The following DNER variants were observed in gnomAD, a reference collection of about 807,000 sequenced individuals.
DNER encodes the protein delta and Notch-like epidermal growth factor-related receptor.
DNER carries 33 observed loss-of-function variants against 78.2 expected under a neutral mutation model. The ratio of observed to expected loss-of-function variants is 0.42; its 90% CI spans 0.32 to 0.56. The LOEUF is 0.56. DNER is among the 20% of genes least tolerant of loss of function. The pLI, the probability that DNER is intolerant of heterozygous loss-of-function variation, is 0.11. For missense variants in DNER, 918 were observed against 975.3 expected, an observed-to-expected ratio of 0.94 and a Z score of 0.78; for synonymous variants, 417 against 384.8, an observed-to-expected ratio of 1.08 and a Z score of -0.98.
In DNER at chr2:229,357,755, C is replaced by T. The variant is rs1692120855; in HGVS notation, c.*785G>A. 1 of 152,194 alleles carries T rather than the reference C, an allele frequency of 6.6e-6. No homozygotes were observed. Among genetic ancestry groups the T allele is most frequent in the Non-Finnish European group, 1.5e-5 (1 of 68,040 alleles). 9.4% of individuals were successfully genotyped at this position (152,194 alleles called of 1,614,324 possible). A position where few individuals can be genotyped will look rare whatever the true frequency, so the allele number is the denominator to read the frequency against. On this transcript the variant is annotated 3_prime_UTR_variant, in exon 13 of 13. Coordinates refer to ENST00000341772, the MANE Select transcript of DNER (RefSeq NM_139072.4). Reference sequence around the variant, plus strand: ...ATAAAGCTGCACTATGAGAAATACTCACTACTGAAGGAACCAGTACTCTCT... The same window carrying T: ...ATAAAGCTGCACTATGAGAAATACTTACTACTGAAGGAACCAGTACTCTCT...
In DNER at chr2:229,358,068, T is replaced by C. The variant is rs1353804404; in HGVS notation, c.*472A>G. On this transcript the variant is annotated 3_prime_UTR_variant, in exon 13 of 13. Transcript: ENST00000341772. ...AGGCTAATTTCATTCGGGTTAGGAA[T>C]AGTAAATTTAACTAGTTTCTTTTCC... 1 of 152,926 alleles carries C rather than the reference T, an allele frequency of 6.5e-6. No individual in the cohort carries two copies. The highest frequency in any genetic ancestry group is 2.1e-4 in the South Asian group (1 of 4,846). 9.5% of individuals were successfully genotyped at this position (152,926 alleles called of 1,614,324 possible). A position where few individuals can be genotyped will look rare whatever the true frequency, so the allele number is the denominator to read the frequency against.
chr2:229,713,800 C>T (rs1239323065), intron 1 of DNER, among the ~76,000 whole-genome samples: 1 of 152,190 alleles, frequency 6.6e-6, no homozygotes, highest in South Asian at 2.1e-4. Context: ...CTCCGCGCTG[C>T]CAAGGCGGGC....
intron 11 of DNER, among the ~76,000 whole-genome samples, chr2:229,372,955 G>A (rs920922905): frequency 5.9e-5 from 9 of 152,170 alleles, no homozygotes; most frequent in African/African-American, 2.2e-4. Flanking sequence ...CTGTAGCCGA[G>A]TGAGACGACC....
intron 1 of DNER, among the ~76,000 whole-genome samples, chr2:229,627,637 T>C (rs1244597179): frequency 6.6e-6 from 1 of 152,242 alleles, no homozygotes; most frequent in East Asian, 1.9e-4. Context: ...AAGAGAGGTC[T>C]GATTAACAAG....
At chr2:229,444,804 G>A (rs558286103) in intron 8 of DNER, among the ~76,000 whole-genome samples, 2 of 152,190 alleles carry the variant, frequency 1.3e-5, no homozygotes, top group East Asian at 1.9e-4. Flanking sequence ...CAGGAGAATC[G>A]CTTGAACCCG....
chr2:229,443,480 T>C (rs1297115033), intron 8 of DNER, among the ~76,000 whole-genome samples: 3 of 152,240 alleles, frequency 2.0e-5, no homozygotes, highest in Non-Finnish European at 4.4e-5. Context: ...CACTTAACAC[T>C]GTCACTGGAA....
At chr2:229,546,810 C>T (rs994561975) in intron 5 of DNER, 137 bp downstream of exon 5, 5 of 1,221,760 alleles carry the variant, frequency 4.1e-6, no homozygotes, top group Non-Finnish European at 5.7e-6. Flanking sequence ...GATAGACAGA[C>T]AGACAGACAG....
In DNER at chr2:229,424,930, C is replaced by A. The variant is rs1315061326; in HGVS notation, c.1487-6700G>T. On this transcript the variant is annotated intron_variant, in intron 8 of 12. Coordinates refer to ENST00000341772, the MANE Select transcript of DNER (RefSeq NM_139072.4). ...TCCCAGGTGTAATGATTAAAAATGT[C>A]CCCATTGTCATATGTCCCCTGGAAG... Among the ~76,000 whole-genome samples, 6 of 152,154 alleles carry A rather than the reference C, an allele frequency of 3.9e-5. No homozygotes were observed. In the East Asian group the frequency reaches 1.2e-3, roughly 29 times the overall value.
chr2:229,619,491 G>T (rs1355277271), intron 1 of DNER, among the ~76,000 whole-genome samples: 1 of 152,156 alleles, frequency 6.6e-6, no homozygotes, highest in African/African-American at 2.4e-5. Context: ...GAGTCAAGAA[G>T]TTGGCCACTG....
At chr2:229,654,871 C>T (rs1229331415) in intron 1 of DNER, among the ~76,000 whole-genome samples, 1 of 152,102 alleles carries the variant, frequency 6.6e-6, no homozygotes, top group Non-Finnish European at 1.5e-5. Flanking sequence ...TGTTACTTTT[C>T]ATCAGTCAAA....
intron 7 of DNER, among the ~76,000 whole-genome samples, chr2:229,448,740 CT>C (rs1210692667): frequency 6.6e-6 from 1 of 152,146 alleles, no homozygotes; most frequent in Non-Finnish European, 1.5e-5. Flanking sequence ...TAAAACTATA[CT>C]TCTTTCAATA....
At chr2:229,641,697 C>G (rs943819567) in intron 1 of DNER, among the ~76,000 whole-genome samples, 1 of 151,932 alleles carries the variant, frequency 6.6e-6, no homozygotes, top group Non-Finnish European at 1.5e-5. Context: ...TAGATATATG[C>G]TAATGAATAG....
chr2:229,535,707 G>A (rs890820249), intron 5 of DNER, among the ~76,000 whole-genome samples: 1 of 151,950 alleles, frequency 6.6e-6, no homozygotes, highest in Non-Finnish European at 1.5e-5. Flanking sequence ...ACAGTGGCAT[G>A]ATCTCGGCTC....
intron 12 of DNER, among the ~76,000 whole-genome samples, chr2:229,361,154 T>C (rs74906344): frequency 0.03 from 4,547 of 152,160 alleles, 97 homozygotes; most frequent in Non-Finnish European, 0.045. Flanking sequence ...CCTCTCACAG[T>C]AGCAGGCTTA....
intron 1 of DNER, among the ~76,000 whole-genome samples, chr2:229,667,743 G>A (rs1297192559): frequency 6.6e-6 from 1 of 152,090 alleles, no homozygotes; most frequent in East Asian, 1.9e-4. Context: ...TAGCTTAATG[G>A]TTTCAACAAT....
chr2:229,498,353 T>A (rs1364140940), intron 6 of DNER, among the ~76,000 whole-genome samples: 1 of 152,302 alleles, frequency 6.6e-6, no homozygotes, highest in Middle Eastern at 3.4e-3. Context: ...AAGATTTTCC[T>A]CTAAGATCAG....
chr2:229,400,081 C>T (rs1693235542), intron 10 of DNER, among the ~76,000 whole-genome samples: 5 of 151,844 alleles, frequency 3.3e-5, no homozygotes, highest in Admixed American at 3.3e-4. Context: ...ACTGCTATAC[C>T]TGGATACTGA....
chr2:229,647,195 T>C (rs1013610223), intron 1 of DNER, among the ~76,000 whole-genome samples: 12 of 151,928 alleles, frequency 7.9e-5, no homozygotes, highest in African/African-American at 2.7e-4. Context: ...CATACATACA[T>C]ACAGGGTAAG....
chr2:229,551,949 T>TAAATAAATAAATAAATAAATAAATA (rs1482741858), intron 4 of DNER, among the ~76,000 whole-genome samples: 1 of 150,938 alleles, frequency 6.6e-6, no homozygotes, highest in African/African-American at 2.5e-5. Context: ...AATAAATAAA[T>TAAATAAATAAATAAATAAATAAATA]AAATAAATAA....
Sources: gnomAD v4.1 joint callset for allele counts (sites outside exome capture counted in the v4.1 genomes callset) on GRCh38, gnomAD v4.1.1 for gene constraint, MANE v1.5 for transcripts, NCBI Gene and HGNC (gene_info 2026-07-23, HGNC 2026-07-21) for gene names.